The following VWA8 variants were observed in gnomAD, a reference collection of about 807,000 sequenced individuals.
VWA8 encodes von Willebrand factor A domain-containing protein 8.
Under a neutral mutation model 241.5 loss-of-function variants are expected in VWA8, and 221 were observed. The ratio of observed to expected loss-of-function variants is 0.91; its 90% CI spans 0.82 to 1.02. The LOEUF (loss-of-function observed/expected upper bound fraction) is 1.02. Among genes scored for constraint, VWA8 ranks in the 50% least tolerant of loss-of-function variants. The pLI is 0.00. For synonymous variants in VWA8, 852 were observed against 827.1 expected, an observed-to-expected ratio of 1.03 and a Z score of -0.52; for missense variants, 2,322 against 2,328.7, an observed-to-expected ratio of 1.00 and a Z score of 0.06.
In VWA8 at chr13:41,721,355, G is replaced by A. The variant is rs2045388576; in HGVS notation, c.2964+15C>T. 3.1e-6 allele frequency: 5 copies of A among 1,610,430 alleles called. No homozygotes were observed. The South Asian group carries it at 4.4e-5, about 14-fold the overall frequency. ...AGAGTGATGGCTCTTAGGTACAGGT[G>A]TGTGCCATACCTACCTGTAAATGTT... On this transcript the variant is annotated intron_variant, in intron 25 of 44. Transcript: ENST00000379310.
intron 18 of VWA8, among the ~76,000 whole-genome samples, chr13:41,784,560 A>T (rs1465548350): frequency 1.3e-5 from 1 of 75,342 alleles, no homozygotes; most frequent in Non-Finnish European, 2.5e-5. Flanking sequence ...GCTATTCAGG[A>T]GGCTGAGGCA....
chr13:41,881,944 GGA>G (rs1281547666), intron 9 of VWA8, among the ~76,000 whole-genome samples: 2 of 148,544 alleles, frequency 1.3e-5, no homozygotes, highest in Non-Finnish European at 3.0e-5. Flanking sequence ...GCTGCTGGGC[GGA>G]GACGCTCCTC....
Position 41,782,934 on chromosome 13 carries a change from T to C in VWA8, c.2277+861A>G, listed in dbSNP as rs370816546. On this transcript the variant is annotated intron_variant, in intron 19 of 44. Transcript: ENST00000379310. ...GGAAGGTCCATAATTATTGGCTAGT[T>C]TACAAGGAGAGAATTCTCTACCCTC... 1.1e-4 allele frequency among the ~76,000 whole-genome samples: 16 copies of C among 151,226 alleles called. No homozygotes were observed. In the East Asian group the frequency reaches 2.3e-3, roughly 22 times the overall value.
intron 21 of VWA8, among the ~76,000 whole-genome samples, chr13:41,745,428 G>C (rs2045598188): frequency 6.6e-6 from 1 of 152,012 alleles, no homozygotes; most frequent in Admixed American, 6.6e-5. Flanking sequence ...CTCACGTACA[G>C]AATGGGAGAA....
At chr13:41,653,423 T>C (rs2044881477) in intron 37 of VWA8, among the ~76,000 whole-genome samples, 1 of 152,100 alleles carries the variant, frequency 6.6e-6, no homozygotes, top group African/African-American at 2.4e-5. Context: ...CGCAGACAAA[T>C]AGAAAAACAT....
chr13:41,656,906 T>C (rs1056902947), intron 37 of VWA8, among the ~76,000 whole-genome samples: 2 of 152,206 alleles, frequency 1.3e-5, no homozygotes, highest in Non-Finnish European at 2.9e-5. Flanking sequence ...CAGCATTTCT[T>C]CTGGGGTGCT....
chr13:41,777,747 G>A (rs768967847), intron 20 of VWA8, among the ~76,000 whole-genome samples: 2 of 152,134 alleles, frequency 1.3e-5, no homozygotes, highest in Admixed American at 1.3e-4. Context: ...GACAGATGTG[G>A]ACAAGAAGAG....
intron 9 of VWA8, among the ~76,000 whole-genome samples, chr13:41,872,039 C>T (rs933564866): frequency 5.9e-5 from 9 of 152,190 alleles, no homozygotes; most frequent in African/African-American, 2.2e-4. Flanking sequence ...TTTTGATCTG[C>T]ATTTCTCTGA....
chr13:41,804,445 C>T (rs1247904848), intron 17 of VWA8, among the ~76,000 whole-genome samples: 1 of 151,762 alleles, frequency 6.6e-6, no homozygotes, highest in African/African-American at 2.4e-5. Context: ...GAAATATAGA[C>T]TTTCCCAGAC....
At chr13:41,932,287 T>C (rs910394193) in intron 2 of VWA8, among the ~76,000 whole-genome samples, 1 of 152,102 alleles carries the variant, frequency 6.6e-6, no homozygotes, top group Non-Finnish European at 1.5e-5. Flanking sequence ...CTTGAATGAC[T>C]ATATCTATGA....
At chr13:41,858,265 A>C (rs1260682584) in intron 12 of VWA8, among the ~76,000 whole-genome samples, 2 of 152,224 alleles carry the variant, frequency 1.3e-5, no homozygotes, top group Non-Finnish European at 2.9e-5. Context: ...TTTTAAATTT[A>C]AAATATTCTA....
chr13:41,634,614 C>G (rs2044745459), intron 37 of VWA8, among the ~76,000 whole-genome samples: 1 of 151,984 alleles, frequency 6.6e-6, no homozygotes, highest in Admixed American at 6.6e-5. Context: ...AAAGTTGAAG[C>G]CTGCTTTTCA....
Position 41,649,825 on chromosome 13 carries a change from T to G in VWA8, c.4611+21121A>C, listed in dbSNP as rs144975665. 5.3e-5 allele frequency among the ~76,000 whole-genome samples: 8 copies of G among 152,302 alleles called. No homozygotes were observed. In the East Asian group the frequency reaches 1.5e-3, roughly 29 times the overall value. On this transcript the variant is annotated intron_variant, in intron 37 of 44. Transcript: ENST00000379310. The stretch of plus-strand genomic sequence containing the variant: ...GGATACTTTAGGCCCACATTCAGCC[T>G]CACTCTGAGAAGGGCAGCATTCCAC...
intron 41 of VWA8, 29 bp downstream of exon 41, chr13:41,590,611 G>A (rs368335350): frequency 6.2e-7 from 1 of 1,612,760 alleles, no homozygotes; most frequent in Non-Finnish European, 8.5e-7. Context: ...ACTATGCAGA[G>A]CTGAGGCTAG....
intron 24 of VWA8, among the ~76,000 whole-genome samples, chr13:41,723,477 G>C (rs771650317): frequency 3.3e-5 from 5 of 152,174 alleles, no homozygotes; most frequent in Admixed American, 6.5e-5. Flanking sequence ...CAAAGAATAA[G>C]GCTGGAAGCA....
intron 21 of VWA8, among the ~76,000 whole-genome samples, chr13:41,736,689 G>A (rs1244377308): frequency 6.6e-6 from 1 of 151,936 alleles, no homozygotes; most frequent in African/African-American, 2.4e-5. Flanking sequence ...TTTCATAAGA[G>A]CTGATGAAAA....
intron 32 of VWA8, among the ~76,000 whole-genome samples, chr13:41,690,809 G>A (rs2045171580): frequency 6.6e-6 from 1 of 152,098 alleles, no homozygotes; most frequent in South Asian, 2.1e-4. Context: ...GAGGGAAGGT[G>A]CTCAAAGTCG....
At chr13:41,751,388 T>C (rs948578000) in intron 21 of VWA8, among the ~76,000 whole-genome samples, 3 of 152,198 alleles carry the variant, frequency 2.0e-5, no homozygotes, top group African/African-American at 7.2e-5. Flanking sequence ...GCAGCCTGGC[T>C]GTTCTGTGCA....
intron 20 of VWA8, among the ~76,000 whole-genome samples, chr13:41,774,618 G>GTT (rs1868505635): frequency 6.6e-6 from 1 of 152,192 alleles, no homozygotes; most frequent in South Asian, 2.1e-4. Flanking sequence ...AAAGAAATCT[G>GTT]TAAGTGACCT....
Sources: allele counts gnomAD v4.1 joint callset (sites outside exome capture counted in the v4.1 genomes callset), GRCh38; gene constraint gnomAD v4.1.1; transcripts MANE v1.5; gene names NCBI Gene and HGNC (gene_info 2026-07-23, HGNC 2026-07-21).